The following PCSK2 variants were observed in gnomAD, a reference collection of about 807,000 sequenced individuals.
The protein encoded by PCSK2 is neuroendocrine convertase 2.
PCSK2 carries 14 observed loss-of-function variants against 69.7 expected under a neutral mutation model. That is an observed-to-expected ratio of 0.20 (90% CI 0.13 to 0.31). The LOEUF (loss-of-function observed/expected upper bound fraction) is 0.31, where lower values mean the gene tolerates loss of function less well. PCSK2 is among the 10% of genes least tolerant of loss of function. The probability of loss-of-function intolerance (pLI) is 1.00; values close to 1 mark genes in which losing one functional copy is unlikely to be tolerated. For missense variants in PCSK2, 544 were observed against 842.5 expected, an observed-to-expected ratio of 0.65 and a Z score of 4.39; for synonymous variants, 307 against 320.7, an observed-to-expected ratio of 0.96 and a Z score of 0.46.
chr20:17,414,894 T>A (rs867037216), intron 6 of PCSK2, among the ~76,000 whole-genome samples: 1 of 152,186 alleles, frequency 6.6e-6, no homozygotes, highest in South Asian at 2.1e-4. Flanking sequence ...TGCAAATCAG[T>A]AAACGTAATC....
intron 2 of PCSK2, among the ~76,000 whole-genome samples, chr20:17,288,454 A>C (rs1988591014): frequency 6.6e-6 from 1 of 151,986 alleles, no homozygotes; most frequent in African/African-American, 2.4e-5. Flanking sequence ...GTGAGTCCCT[A>C]CTCACCTGCT....
At chr20:17,238,503 C>T (rs1237984368) in intron 1 of PCSK2, among the ~76,000 whole-genome samples, 5 of 152,260 alleles carry the variant, frequency 3.3e-5, no homozygotes, top group African/African-American at 4.8e-5. Flanking sequence ...GAAAGGGCAT[C>T]GAACACTATG....
At position 17,238,635 on chromosome 20, in the gene PCSK2, T is replaced by C. The variant is rs577308421; in HGVS notation, c.177+11153T>C. Among the ~76,000 whole-genome samples the C allele has an allele frequency of 2.6e-5, 4 of 152,270 alleles. No individual in the cohort carries two copies. The South Asian group carries it at 8.3e-4, about 32-fold the overall frequency. Reference sequence around the variant, plus strand: ...AGACTGGATGAGATAGACAACTAGATTGGGTGAGACTCCTATAAGTGATTA... The same window carrying C: ...AGACTGGATGAGATAGACAACTAGACTGGGTGAGACTCCTATAAGTGATTA... On this transcript the variant is annotated intron_variant, in intron 1 of 11. Coordinates refer to ENST00000262545, the MANE Select transcript of PCSK2 (RefSeq NM_002594.5).
At chr20:17,351,826 A>G (rs2029998596) in intron 2 of PCSK2, among the ~76,000 whole-genome samples, 1 of 152,170 alleles carries the variant, frequency 6.6e-6, no homozygotes, top group Non-Finnish European at 1.5e-5. Context: ...CCTATTCAAC[A>G]TAGTACTGGA....
intron 2 of PCSK2, among the ~76,000 whole-genome samples, chr20:17,327,194 C>G (rs1990082521): frequency 2.0e-5 from 3 of 152,222 alleles, no homozygotes; most frequent in African/African-American, 7.2e-5. Flanking sequence ...GCACTGTTCA[C>G]CTCAAAGAAG....
At chr20:17,322,468 T>G (rs1600490305) in intron 2 of PCSK2, among the ~76,000 whole-genome samples, 1 of 152,174 alleles carries the variant, frequency 6.6e-6, no homozygotes, top group Admixed American at 6.5e-5. Context: ...AAGGGGGTAA[T>G]TAAGGTTAAA....
chr20:17,438,215 C>A (rs1271973916), intron 8 of PCSK2, among the ~76,000 whole-genome samples: 2 of 152,134 alleles, frequency 1.3e-5, no homozygotes, highest in Non-Finnish European at 2.9e-5. Context: ...CTATAGAAAC[C>A]AGCACTATTA....
chr20:17,270,560 G>A (rs1027411670), intron 2 of PCSK2, among the ~76,000 whole-genome samples: 5 of 152,088 alleles, frequency 3.3e-5, no homozygotes, highest in African/African-American at 9.7e-5. Flanking sequence ...TCTCTACGAT[G>A]AGCATGTCCC....
chr20:17,358,479 G>A, intron 3 of PCSK2, 39 bp downstream of exon 3: 1 of 1,079,726 alleles, frequency 9.3e-7, no homozygotes, highest in East Asian at 2.4e-5. Flanking sequence ...TTCCCATCTT[G>A]AGACTCTGGA....
At chr20:17,386,666 G>T (rs1390066887) in intron 5 of PCSK2, among the ~76,000 whole-genome samples, 5 of 152,172 alleles carry the variant, frequency 3.3e-5, no homozygotes, top group African/African-American at 1.2e-4. Context: ...ATTGTTTAAT[G>T]GGTATAGAGT....
At position 17,306,680 on chromosome 20, in the gene PCSK2, G is replaced by T. The variant is rs548684326; in HGVS notation, c.282+46336G>T. ...TTATTGCTCCATCTATGCAAGACTGGGTTAAACCACTGGGTTCACTAACAG... is the reference window on the plus strand; with the variant it reads ...TTATTGCTCCATCTATGCAAGACTGTGTTAAACCACTGGGTTCACTAACAG... On this transcript the variant is annotated intron_variant, in intron 2 of 11. Coordinates refer to ENST00000262545, the MANE Select transcript of PCSK2 (RefSeq NM_002594.5). 1.6e-4 allele frequency among the ~76,000 whole-genome samples: 25 copies of T among 152,032 alleles called. 1 individual carries two copies. Among genetic ancestry groups the T allele is most frequent in the Non-Finnish European group, 3.1e-4 (21 of 68,004 alleles).
At chr20:17,423,265 G>A (rs2032171562) in intron 6 of PCSK2, among the ~76,000 whole-genome samples, 2 of 152,202 alleles carry the variant, frequency 1.3e-5, no homozygotes, top group South Asian at 4.1e-4. Flanking sequence ...AGGACATCTT[G>A]AAGCAGGGGC....
At chr20:17,479,222 C>T in intron 11 of PCSK2, 1 of 1,341,804 alleles carries the variant, frequency 7.5e-7, no homozygotes, top group South Asian at 1.2e-5. Context: ...TCTTCTGGAC[C>T]ACTGCACATT....
At chr20:17,265,311 G>A (rs1987554339) in intron 2 of PCSK2, among the ~76,000 whole-genome samples, 1 of 152,130 alleles carries the variant, frequency 6.6e-6, no homozygotes, top group Admixed American at 6.6e-5. Flanking sequence ...AAATTAGATA[G>A]TTTTAGTGCC....
chr20:17,412,835 A>G (rs1419346767), intron 6 of PCSK2, among the ~76,000 whole-genome samples: 2 of 152,234 alleles, frequency 1.3e-5, no homozygotes, highest in African/African-American at 4.8e-5. Flanking sequence ...CAGATCTCTC[A>G]GCAGAAACCC....
intron 1 of PCSK2, among the ~76,000 whole-genome samples, chr20:17,228,991 A>G (rs1986043344): frequency 2.6e-5 from 4 of 152,062 alleles, no homozygotes; most frequent in African/African-American, 9.7e-5. Flanking sequence ...GTTTTGAGAG[A>G]CACCAACACA....
chr20:17,463,628 A>C (rs1469153819), intron 10 of PCSK2: 1 of 151,544 alleles, frequency 6.6e-6, no homozygotes, highest in East Asian at 1.9e-4. Flanking sequence ...CCTTTACATG[A>C]GGTATTTCTC....
At chr20:17,427,661 G>A (rs1369902165) in intron 6 of PCSK2, among the ~76,000 whole-genome samples, 1 of 152,318 alleles carries the variant, frequency 6.6e-6, no homozygotes, top group East Asian at 1.9e-4. Context: ...TAGTTTGGCT[G>A]GAAAGTTCTA....
rs538036397 is a variant in PCSK2, at chr20:17,369,411, C to T, written c.543+134C>T. The T allele has an allele frequency of 2.3e-4, 169 of 740,142 alleles. No individual in the cohort carries two copies. In the African/African-American group the frequency reaches 2.6e-3, roughly 11 times the overall value. The allele number at this position is 740,142 out of a possible 1,614,324, so 45.8% of individuals were successfully genotyped here. A position where few individuals can be genotyped will look rare whatever the true frequency, so the allele number is the denominator to read the frequency against. On this transcript the variant is annotated intron_variant, in intron 5 of 11. Transcript: ENST00000262545. ...GTACAGGAGCATGCACACACACACA[C>T]ACACAGGAGTACAGCTGCTGGAACA...
Sources: gnomAD v4.1 joint callset for allele counts (sites outside exome capture counted in the v4.1 genomes callset) on GRCh38, gnomAD v4.1.1 for gene constraint, MANE v1.5 for transcripts, NCBI Gene and HGNC (gene_info 2026-07-23, HGNC 2026-07-21) for gene names.